The following TAFA4 variants were observed in gnomAD, a reference collection of about 807,000 sequenced individuals.
TAFA4 encodes TAFA chemokine like family member 4, also known as chemokine-like protein TAFA-4.
TAFA4 carries 20 observed loss-of-function variants against 21.1 expected under a neutral mutation model. The ratio of observed to expected loss-of-function variants is 0.95; its 90% CI spans 0.67 to 1.38. TAFA4 has a LOEUF of 1.38. Ranked by LOEUF, TAFA4 falls within the 40% of genes most tolerant of loss-of-function variation. The probability of loss-of-function intolerance (pLI) is 0.00; values close to 1 mark genes in which losing one functional copy is unlikely to be tolerated. For synonymous variants in TAFA4, 71 were observed against 67.4 expected, an observed-to-expected ratio of 1.05 and a Z score of -0.26; for missense variants, 211 against 180.9, an observed-to-expected ratio of 1.17 and a Z score of -0.95.
intron 3 of TAFA4, among the ~76,000 whole-genome samples, chr3:68,773,259 T>C (rs1702991056): frequency 6.6e-6 from 1 of 152,268 alleles, no homozygotes; most frequent in Admixed American, 6.5e-5. Flanking sequence ...CTCATCGAAC[T>C]CAGCAAAGCT....
intron 3 of TAFA4, among the ~76,000 whole-genome samples, chr3:68,777,636 C>T (rs1006389789): frequency 6.6e-6 from 1 of 151,844 alleles, no homozygotes; most frequent in African/African-American, 2.4e-5. Context: ...ATAAAAACTA[C>T]TCAATTCAAA....
At chr3:68,834,716 C>T (rs537464088) in intron 3 of TAFA4, among the ~76,000 whole-genome samples, 1 of 152,238 alleles carries the variant, frequency 6.6e-6, no homozygotes, top group Non-Finnish European at 1.5e-5. Context: ...AGACGGGCAT[C>T]CTCCTTGATT....
chr3:68,808,339 T>C (rs2106839327), intron 3 of TAFA4, among the ~76,000 whole-genome samples: 1 of 152,310 alleles, frequency 6.6e-6, no homozygotes, highest in South Asian at 2.1e-4. Flanking sequence ...TCCTGTCTCA[T>C]GACCTCTCTA....
intron 3 of TAFA4, among the ~76,000 whole-genome samples, chr3:68,786,040 A>C (rs1703253122): frequency 6.6e-6 from 1 of 152,192 alleles, no homozygotes; most frequent in Non-Finnish European, 1.5e-5. Flanking sequence ...TGGTTAAATA[A>C]ACTACGTTAA....
intron 3 of TAFA4, among the ~76,000 whole-genome samples, chr3:68,860,791 C>T (rs186386773): frequency 3.7e-4 from 57 of 152,094 alleles, no homozygotes; most frequent in Non-Finnish European, 6.0e-4. Flanking sequence ...TACAAATAAA[C>T]GATAGTTCAA....
intron 1 of TAFA4, among the ~76,000 whole-genome samples, chr3:68,929,414 T>G (rs543532196): frequency 7.9e-5 from 12 of 152,358 alleles, no homozygotes; most frequent in African/African-American, 2.4e-4. Context: ...TCCTGAATCT[T>G]GACAAATTAG....
intron 3 of TAFA4, among the ~76,000 whole-genome samples, chr3:68,825,537 G>A (rs987940402): frequency 0.017 from 2,593 of 152,262 alleles, 70 homozygotes; most frequent in African/African-American, 0.054. Context: ...CTTCACTAGA[G>A]TGTGTGCAGT....
intron 3 of TAFA4, among the ~76,000 whole-genome samples, chr3:68,803,802 T>C (rs1024002566): frequency 7.7e-6 from 1 of 130,068 alleles, no homozygotes; most frequent in Admixed American, 7.6e-5. Context: ...TGATTCTTTT[T>C]TTTTTTTTTT....
chr3:68,733,019 T>A lies in TAFA4; in HGVS notation c.*123A>T. 1 of 1,299,894 alleles carries A rather than the reference T, an allele frequency of 7.7e-7. No individual in the cohort carries two copies. The highest frequency in any genetic ancestry group is 1.3e-5 in the South Asian group (1 of 75,726). The allele number at this position is 1,299,894 out of a possible 1,614,324, so 80.5% of individuals were successfully genotyped here. A position where few individuals can be genotyped will look rare whatever the true frequency, so the allele number is the denominator to read the frequency against. ...TGAATGCCACCTCTCACAGCTCACA[T>A]ATACAAATATGAAGTTGCTGAAATC... On this transcript the variant is annotated 3_prime_UTR_variant, in exon 6 of 6. Transcript: ENST00000295569.
chr3:68,776,192 G>C (rs544974790), intron 3 of TAFA4, among the ~76,000 whole-genome samples: 1 of 152,040 alleles, frequency 6.6e-6, no homozygotes, highest in African/African-American at 2.4e-5. Context: ...TTATAATCCA[G>C]GGTAACAAAC....
chr3:68,852,383 T>C (rs1704970710), intron 3 of TAFA4, among the ~76,000 whole-genome samples: 1 of 152,146 alleles, frequency 6.6e-6, no homozygotes, highest in African/African-American at 2.4e-5. Context: ...AAGTGGGGCC[T>C]ATTCCTGTGT....
At chr3:68,840,717 G>C (rs1423780183) in intron 3 of TAFA4, among the ~76,000 whole-genome samples, 1 of 152,056 alleles carries the variant, frequency 6.6e-6, no homozygotes, top group African/African-American at 2.4e-5. Flanking sequence ...CTCCCATATA[G>C]AAAAAGTACA....
At chr3:68,864,952 A>T (rs1351084109) in intron 3 of TAFA4, among the ~76,000 whole-genome samples, 1 of 152,092 alleles carries the variant, frequency 6.6e-6, no homozygotes, top group African/African-American at 2.4e-5. Context: ...TTGCCTAGGG[A>T]TGGTGGGAAG....
At chr3:68,854,870 C>T (rs1053235937) in intron 3 of TAFA4, among the ~76,000 whole-genome samples, 9 of 151,970 alleles carry the variant, frequency 5.9e-5, no homozygotes, top group East Asian at 1.9e-4. Context: ...AATATTTTAC[C>T]GAGCTCTCCA....
At chr3:68,916,194 C>T (rs915435142) in intron 1 of TAFA4, 8 of 152,232 alleles carry the variant, frequency 5.3e-5, no homozygotes, top group African/African-American at 1.9e-4. Context: ...GAAGTCATTT[C>T]AGGCAGTAAA....
At chr3:68,848,837 A>G (rs1704873478) in intron 3 of TAFA4, among the ~76,000 whole-genome samples, 1 of 152,150 alleles carries the variant, frequency 6.6e-6, no homozygotes, top group Non-Finnish European at 1.5e-5. Context: ...CTCCTGGTGC[A>G]TGCAAAGTGA....
chr3:68,928,082 C>T (rs923884923), intron 1 of TAFA4, among the ~76,000 whole-genome samples: 5 of 152,152 alleles, frequency 3.3e-5, no homozygotes, highest in Non-Finnish European at 7.4e-5. Context: ...TGCTACCATA[C>T]TTCTGAATTA....
intron 3 of TAFA4, among the ~76,000 whole-genome samples, chr3:68,857,665 A>C (rs1705100252): frequency 6.6e-6 from 1 of 152,134 alleles, no homozygotes; most frequent in Non-Finnish European, 1.5e-5. Context: ...ACAAGTCCTG[A>C]GATGAAGACC....
chr3:68,928,029 T>C (rs2090125784), intron 1 of TAFA4, among the ~76,000 whole-genome samples: 1 of 152,230 alleles, frequency 6.6e-6, no homozygotes, highest in Non-Finnish European at 1.5e-5. Context: ...TCTTTCTAAA[T>C]GGTGTCTTGT....
Sources: gnomAD v4.1 joint callset for allele counts (sites outside exome capture counted in the v4.1 genomes callset) on GRCh38, gnomAD v4.1.1 for gene constraint, MANE v1.5 for transcripts, NCBI Gene and HGNC (gene_info 2026-07-23, HGNC 2026-07-21) for gene names.